The following PACRG variants were observed in gnomAD, a reference collection of about 807,000 sequenced individuals.
The protein encoded by PACRG is parkin coregulated gene protein.
PACRG carries 29 observed loss-of-function variants against 29.7 expected under a neutral mutation model. The observed-to-expected ratio is 0.98, with a 90% CI of 0.73 to 1.33. PACRG has a LOEUF of 1.33. Among genes scored for constraint, PACRG ranks in the 40% most tolerant of loss-of-function variants. The pLI is 0.00. For synonymous variants in PACRG, 116 were observed against 118.7 expected (o/e 0.98, Z 0.15); for missense variants, 279 against 316.2 (o/e 0.88, Z 0.89).
intron 2 of PACRG, among the ~76,000 whole-genome samples, chr6:162,930,691 A>G (rs912719389): frequency 2.0e-5 from 3 of 151,880 alleles, no homozygotes; most frequent in Non-Finnish European, 4.4e-5. Flanking sequence ...AAAGGCTTTC[A>G]ATTTTCCCTG....
intron 2 of PACRG, among the ~76,000 whole-genome samples, chr6:162,900,581 A>G (rs1722644523): frequency 6.6e-6 from 1 of 151,942 alleles, no homozygotes; most frequent in Non-Finnish European, 1.5e-5. Context: ...CTTTCTCTGC[A>G]TTTCCTCTTT....
At chr6:162,969,178 T>G (rs1208775289) in intron 2 of PACRG, among the ~76,000 whole-genome samples, 1 of 152,110 alleles carries the variant, frequency 6.6e-6, no homozygotes, top group African/African-American at 2.4e-5. Context: ...GGTATAGATT[T>G]TCATCTTAGG....
At chr6:162,974,975 C>T (rs1473142401) in intron 2 of PACRG, among the ~76,000 whole-genome samples, 1 of 152,198 alleles carries the variant, frequency 6.6e-6, no homozygotes, top group Non-Finnish European at 1.5e-5. Flanking sequence ...GCTCTCTCTA[C>T]AGTACTCAAG....
intron 2 of PACRG, among the ~76,000 whole-genome samples, chr6:162,945,725 C>G (rs1052970579): frequency 1.3e-5 from 2 of 152,018 alleles, no homozygotes; most frequent in Non-Finnish European, 2.9e-5. Context: ...GGAACATTCT[C>G]CAGGATAGTT....
intron 2 of PACRG, among the ~76,000 whole-genome samples, chr6:162,988,721 A>G (rs1369881580): frequency 1.3e-5 from 2 of 152,208 alleles, no homozygotes; most frequent in African/African-American, 4.8e-5. Context: ...ATGCCAAACA[A>G]GAAAGGGAAT....
Position 163,162,262 on chromosome 6 carries a change from C to T in PACRG, c.613+72854C>T, listed in dbSNP as rs1778587578. 2.0e-5 allele frequency among the ~76,000 whole-genome samples: 3 copies of T among 152,188 alleles called. No homozygotes were observed. The South Asian group carries it at 6.2e-4, about 32-fold the overall frequency. On this transcript the variant is annotated intron_variant, in intron 4 of 4. Transcript: ENST00000366888. ...AAGTGTGGTCAGGGAGAGGCAGCTG[C>T]AGGTGATCTTGGAAATCAATGCTCA...
rs141346516 is a variant in PACRG at position 162,908,279 on chromosome 6, G to A, written c.291+93998G>A. Among the ~76,000 whole-genome samples, 16 of 152,334 alleles carry A rather than the reference G, an allele frequency of 1.1e-4. No individual in the cohort carries two copies. In the East Asian group the frequency reaches 3.1e-3, roughly 29 times the overall value. ...CTTAATTCACATACATACCTGCTAA[G>A]TAGTGGATATCTCTCATTTCAAAAG... On this transcript the variant is annotated intron_variant, in intron 2 of 4. Transcript: ENST00000366888.
chr6:162,958,457 G>A (rs1800236745), intron 2 of PACRG, among the ~76,000 whole-genome samples: 1 of 151,908 alleles, frequency 6.6e-6, no homozygotes, highest in South Asian at 2.1e-4. Flanking sequence ...TATGTCTTTA[G>A]ACTTCTAAAT....
At chr6:163,312,700 A>G (rs538031680) in intron 4 of PACRG, 2 of 372,340 alleles carry the variant, frequency 5.4e-6, no homozygotes, top group African/African-American at 4.5e-5. Flanking sequence ...CAATAGGGCA[A>G]GGACCCTTTT....
intron 1 of PACRG, among the ~76,000 whole-genome samples, chr6:162,744,465 C>G (rs1172167045): frequency 6.6e-6 from 1 of 152,090 alleles, no homozygotes; most frequent in African/African-American, 2.4e-5. Flanking sequence ...CATTGTGGCA[C>G]ATAACTGTAA....
intron 4 of PACRG, among the ~76,000 whole-genome samples, chr6:163,169,292 C>G (rs927696032): frequency 1.3e-5 from 2 of 152,140 alleles, no homozygotes; most frequent in Admixed American, 6.5e-5. Flanking sequence ...GGGATCTCAT[C>G]TGAGAAGGAA....
At chr6:163,234,512 T>A (rs1467567608) in intron 4 of PACRG, among the ~76,000 whole-genome samples, 5 of 152,188 alleles carry the variant, frequency 3.3e-5, no homozygotes, top group Non-Finnish European at 4.4e-5. Context: ...TTGTATGGCC[T>A]GCAGAGCCAT....
chr6:163,210,165 A>G (rs1781076890), intron 4 of PACRG, among the ~76,000 whole-genome samples: 1 of 152,246 alleles, frequency 6.6e-6, no homozygotes, highest in African/African-American at 2.4e-5. Context: ...GAGTACACAG[A>G]CAATTACATC....
intron 2 of PACRG, among the ~76,000 whole-genome samples, chr6:162,931,093 G>C (rs780809636): frequency 1.3e-5 from 2 of 151,478 alleles, no homozygotes; most frequent in Non-Finnish European, 1.5e-5. Context: ...GCCTTACAGA[G>C]TTTGCAAGTA....
At chr6:163,204,948 A>T (rs190133748) in intron 4 of PACRG, among the ~76,000 whole-genome samples, 1 of 152,330 alleles carries the variant, frequency 6.6e-6, no homozygotes, top group East Asian at 1.9e-4. Context: ...GAGCCAAATC[A>T]AGAACACAAT....
chr6:162,865,187 T>C (rs1357826654), intron 2 of PACRG, among the ~76,000 whole-genome samples: 1 of 152,204 alleles, frequency 6.6e-6, no homozygotes, highest in Non-Finnish European at 1.5e-5. Flanking sequence ...TGGCATATAC[T>C]GGTTATTTAA....
chr6:162,907,609 C>A (rs1479144876), intron 2 of PACRG, among the ~76,000 whole-genome samples: 3 of 152,006 alleles, frequency 2.0e-5, no homozygotes, highest in African/African-American at 7.2e-5. Flanking sequence ...TAATCTACAA[C>A]CTCAAATAAC....
chr6:162,930,648 T>C (rs1797781421), intron 2 of PACRG, among the ~76,000 whole-genome samples: 1 of 152,010 alleles, frequency 6.6e-6, no homozygotes, highest in South Asian at 2.1e-4. Flanking sequence ...GTAGTAAAAG[T>C]GGGCATCCTT....
At chr6:163,093,598 A>T (rs1455699170) in intron 4 of PACRG, among the ~76,000 whole-genome samples, 1 of 152,228 alleles carries the variant, frequency 6.6e-6, no homozygotes, top group African/African-American at 2.4e-5. Flanking sequence ...GCTCTCCGAC[A>T]GGCCTGTTTA....
Sources: allele counts gnomAD v4.1 joint callset (sites outside exome capture counted in the v4.1 genomes callset), GRCh38; gene constraint gnomAD v4.1.1; transcripts MANE v1.5; gene names NCBI Gene and HGNC (gene_info 2026-07-23, HGNC 2026-07-21).